Variants in FRMD4A observed in about 807,000 individuals in gnomAD.
FRMD4A encodes the protein FERM domain containing 4A, also known as FERM domain-containing protein 4A.
FRMD4A carries 29 observed loss-of-function variants against 129.1 expected under a neutral mutation model. That is an observed-to-expected ratio of 0.22 (90% CI 0.17 to 0.31). The LOEUF (loss-of-function observed/expected upper bound fraction) is 0.31. FRMD4A is among the 10% of genes least tolerant of loss of function. The pLI is 1.00. For missense variants in FRMD4A, 1,272 were observed against 1,375.8 expected, an observed-to-expected ratio of 0.92 and a Z score of 1.19; for synonymous variants, 634 against 571.6, an observed-to-expected ratio of 1.11 and a Z score of -1.56.
chr10:14,006,581 T>C (rs934246014), intron 2 of FRMD4A, among the ~76,000 whole-genome samples: 3 of 152,202 alleles, frequency 2.0e-5, no homozygotes, highest in East Asian at 1.9e-4. Context: ...TGTGTGTGTG[T>C]GCGCGTCTAT....
At chr10:13,712,184 G>A (rs1327605413) in intron 12 of FRMD4A, 1 of 152,190 alleles carries the variant, frequency 6.6e-6, no homozygotes, top group Non-Finnish European at 1.5e-5. Context: ...AATACTCAAT[G>A]CTTTCCATAC....
Position 13,851,157 on chromosome 10 carries a change from T to C in FRMD4A, c.111+7690A>G, listed in dbSNP as rs187324191. Among the ~76,000 whole-genome samples the C allele has an allele frequency of 3.9e-5, 6 of 152,256 alleles. No individual in the cohort carries two copies. The East Asian group carries it at 1.2e-3, about 29-fold the overall frequency. ...TGAACCCGGGAGGCAGAGGTTGCCGTGAGCAGAGATCACGTCACTGCACTC... is the reference window on the plus strand; with the variant it reads ...TGAACCCGGGAGGCAGAGGTTGCCGCGAGCAGAGATCACGTCACTGCACTC... On this transcript the variant is annotated intron_variant, in intron 3 of 24. Coordinates refer to ENST00000357447, the MANE Select transcript of FRMD4A (RefSeq NM_018027.5).
intron 2 of FRMD4A, among the ~76,000 whole-genome samples, chr10:14,021,899 G>C (rs185894059): frequency 5.9e-5 from 9 of 152,152 alleles, no homozygotes; most frequent in Admixed American, 5.9e-4. Flanking sequence ...GACTGTGTCA[G>C]ACACCAGAGT....
chr10:14,279,880 A>G (rs61386712), intron 2 of FRMD4A, among the ~76,000 whole-genome samples: 8,561 of 152,322 alleles, frequency 0.056, 271 homozygotes, highest in Middle Eastern at 0.092. Flanking sequence ...GCCTATGGTC[A>G]TAACCACTCC....
At chr10:13,690,271 C>T (rs918119497) in intron 15 of FRMD4A, among the ~76,000 whole-genome samples, 4 of 152,206 alleles carry the variant, frequency 2.6e-5, no homozygotes, top group Non-Finnish European at 5.9e-5. Flanking sequence ...ATGAGCCAGC[C>T]GCCTAGATCT....
intron 2 of FRMD4A, among the ~76,000 whole-genome samples, chr10:14,133,563 C>G (rs576034351): frequency 7.9e-5 from 12 of 152,300 alleles, no homozygotes; most frequent in Admixed American, 3.3e-4. Flanking sequence ...CCTGCAGGAC[C>G]TCAGAGTTCT....
intron 5 of FRMD4A, among the ~76,000 whole-genome samples, chr10:13,785,410 C>T (rs1376839163): frequency 6.6e-6 from 1 of 152,130 alleles, no homozygotes; most frequent in Non-Finnish European, 1.5e-5. Flanking sequence ...GCACCTGCCC[C>T]CTGCTTCTGG....
At chr10:13,746,414 C>T (rs961393460) in intron 9 of FRMD4A, among the ~76,000 whole-genome samples, 1 of 152,040 alleles carries the variant, frequency 6.6e-6, no homozygotes, top group African/African-American at 2.4e-5. Context: ...GGGGTTTCAT[C>T]ATGTTGGCCA....
In FRMD4A at chr10:13,858,975, C is replaced by T. The variant is rs560018230; in HGVS notation, c.46-63G>A. 2.4e-4 allele frequency: 241 copies of T among 984,326 alleles called. 4 individuals carry two copies. The East Asian group carries it at 5.3e-3, about 22-fold the overall frequency. 61.0% of individuals were successfully genotyped at this position (984,326 alleles called of 1,614,324 possible). On this transcript the variant is annotated intron_variant, in intron 2 of 24. Transcript: ENST00000357447. Reference sequence around the variant, plus strand: ...GCAGCCAGACAAAGGGTTAGAGGGTCGCCGACGCTGCACTCTGCCAGGCAT... The same window carrying T: ...GCAGCCAGACAAAGGGTTAGAGGGTTGCCGACGCTGCACTCTGCCAGGCAT...
At chr10:14,194,581 C>T (rs542249836) in intron 2 of FRMD4A, among the ~76,000 whole-genome samples, 1 of 152,022 alleles carries the variant, frequency 6.6e-6, no homozygotes, top group African/African-American at 2.4e-5. Flanking sequence ...ACTGCACTCT[C>T]GCCTGGGCGA....
chr10:13,731,015 G>A (rs187667954), intron 12 of FRMD4A, among the ~76,000 whole-genome samples: 8 of 147,708 alleles, frequency 5.4e-5, no homozygotes, highest in Non-Finnish European at 1.0e-4. Context: ...GAGACAGAGC[G>A]AGACTCCCTC....
rs565169810 is a variant in FRMD4A, at chr10:13,817,312, T to C, written c.112-6404A>G. Reference sequence around the variant, plus strand: ...GATCTGAGTTCTTGAGAACACTGGATGATTCCAGTGGGAACTGTTCACGTT... The same window carrying C: ...GATCTGAGTTCTTGAGAACACTGGACGATTCCAGTGGGAACTGTTCACGTT... On this transcript the variant is annotated intron_variant, in intron 3 of 24. Coordinates refer to ENST00000357447, the MANE Select transcript of FRMD4A (RefSeq NM_018027.5). 3.5e-4 allele frequency among the ~76,000 whole-genome samples: 53 copies of C among 152,364 alleles called. No homozygotes were observed. The South Asian group carries it at 0.01, about 30-fold the overall frequency.
intron 2 of FRMD4A, among the ~76,000 whole-genome samples, chr10:14,312,565 G>A (rs1393805536): frequency 6.6e-6 from 1 of 152,148 alleles, no homozygotes; most frequent in Non-Finnish European, 1.5e-5. Flanking sequence ...TTGCAGGATA[G>A]TTTATAATTA....
At chr10:13,949,433 T>C (rs2095357344) in intron 2 of FRMD4A, among the ~76,000 whole-genome samples, 1 of 152,156 alleles carries the variant, frequency 6.6e-6, no homozygotes, top group Non-Finnish European at 1.5e-5. Flanking sequence ...CACACAGGAA[T>C]TTATACATGA....
chr10:14,220,080 C>T lies in FRMD4A; in HGVS notation c.45+109978G>A, dbSNP rs545900123. Among the ~76,000 whole-genome samples the T allele has an allele frequency of 2.6e-5, 4 of 152,236 alleles. No individual in the cohort carries two copies. In the South Asian group the frequency reaches 6.2e-4, roughly 24 times the overall value. On this transcript the variant is annotated intron_variant, in intron 2 of 24. Coordinates refer to ENST00000357447, the MANE Select transcript of FRMD4A (RefSeq NM_018027.5). ...GACGACCATGTGGTCCTGACAATCC[C>T]GGGTCTGGGTTGTCCTCTGCTGTCA...
At chr10:13,766,692 T>G (rs1010518933) in intron 6 of FRMD4A, among the ~76,000 whole-genome samples, 1 of 152,132 alleles carries the variant, frequency 6.6e-6, no homozygotes, top group African/African-American at 2.4e-5. Context: ...ACCTCATCCT[T>G]CCAGGTGGCT....
chr10:13,914,674 A>G (rs866747873), intron 2 of FRMD4A, among the ~76,000 whole-genome samples: 1 of 152,182 alleles, frequency 6.6e-6, no homozygotes, highest in Admixed American at 6.5e-5. Context: ...CAGACCAGCT[A>G]CTTACGTGTA....
intron 2 of FRMD4A, among the ~76,000 whole-genome samples, chr10:13,871,430 C>G (rs377415878): frequency 9.2e-4 from 140 of 152,292 alleles, no homozygotes; most frequent in African/African-American, 3.2e-3. Flanking sequence ...AAAAATCTGA[C>G]AAGTTGCTCT....
intron 2 of FRMD4A, among the ~76,000 whole-genome samples, chr10:14,329,177 GC>G (rs1843409665): frequency 6.6e-6 from 1 of 152,112 alleles, no homozygotes; most frequent in African/African-American, 2.4e-5. Flanking sequence ...ATACACAGAA[GC>G]ACTTATGCTT....
Sources: gnomAD v4.1 joint callset for allele counts (sites outside exome capture counted in the v4.1 genomes callset) on GRCh38, gnomAD v4.1.1 for gene constraint, MANE v1.5 for transcripts, NCBI Gene and HGNC (gene_info 2026-07-23, HGNC 2026-07-21) for gene names.